Variants in SLC2A9 observed in about 807,000 individuals in gnomAD.
The protein encoded by SLC2A9 is solute carrier family 2, facilitated glucose transporter member 9.
SLC2A9 carries 39 observed loss-of-function variants against 50.6 expected under a neutral mutation model. The observed-to-expected ratio is 0.77, with a 90% CI of 0.60 to 1.01. The LOEUF (loss-of-function observed/expected upper bound fraction) is 1.01. SLC2A9 is among the 50% of genes least tolerant of loss of function. SLC2A9 has a pLI of 0.00. For synonymous variants in SLC2A9, 324 were observed against 276.9 expected, an observed-to-expected ratio of 1.17 and a Z score of -1.69; for missense variants, 686 against 677.6, an observed-to-expected ratio of 1.01 and a Z score of -0.14.
intron 5 of SLC2A9, among the ~76,000 whole-genome samples, chr4:9,963,124 C>A (rs1752530071): frequency 1.3e-5 from 2 of 152,264 alleles, no homozygotes; most frequent in African/African-American, 4.8e-5. Flanking sequence ...AAAGAAGGAG[C>A]AAAGTCACAT....
At chr4:10,013,922 C>A (rs1018077026) in intron 2 of SLC2A9, among the ~76,000 whole-genome samples, 2 of 151,990 alleles carry the variant, frequency 1.3e-5, no homozygotes, top group African/African-American at 4.8e-5. Context: ...GGGGCAGCAT[C>A]CACACACCAC....
chr4:9,814,597 G>C (rs1223208341), intron 3 of SLC2A9, among the ~76,000 whole-genome samples: 1 of 152,000 alleles, frequency 6.6e-6, no homozygotes, highest in Admixed American at 6.6e-5. Context: ...CTTCCTCCTG[G>C]GCTCACTTGT....
At chr4:9,806,409 T>C (rs1055273614) in intron 3 of SLC2A9, among the ~76,000 whole-genome samples, 1 of 152,260 alleles carries the variant, frequency 6.6e-6, no homozygotes, top group African/African-American at 2.4e-5. Context: ...GAATACTTTT[T>C]ATTAATCTAC....
Position 10,030,023 on chromosome 4 carries a change from T to C in SLC2A9, c.-40-4017A>G, listed in dbSNP as rs539139320. Reference sequence around the variant, plus strand: ...TCACTATCTTAAGTAATGATATGCATGAAATCTAATGGTAAAATATATACA... The same window carrying C: ...TCACTATCTTAAGTAATGATATGCACGAAATCTAATGGTAAAATATATACA... On this transcript the variant is annotated intron_variant, in intron 1 of 12. Coordinates refer to the SLC2A9 transcript ENST00000309065. Among the ~76,000 whole-genome samples, 14 of 152,286 alleles carry C rather than the reference T, an allele frequency of 9.2e-5. No individual in the cohort carries two copies. The South Asian group carries it at 2.9e-3, about 32-fold the overall frequency.
At chr4:9,790,811 C>T (rs1560119828) in intron 3 of SLC2A9, among the ~76,000 whole-genome samples, 3 of 152,172 alleles carry the variant, frequency 2.0e-5, no homozygotes, top group East Asian at 1.9e-4. Flanking sequence ...TAGCCACAAT[C>T]GAAAAACACC....
At chr4:9,832,656 G>A (rs938823892) in intron 11 of SLC2A9, among the ~76,000 whole-genome samples, 6 of 152,182 alleles carry the variant, frequency 3.9e-5, no homozygotes, top group African/African-American at 1.2e-4. Context: ...AGAGAAGCAA[G>A]AACAAAACAA....
chr4:10,037,446 A>G lies in SLC2A9; in HGVS notation c.-41+2684T>C, dbSNP rs74544177. On this transcript the variant is annotated intron_variant, in intron 1 of 12. Coordinates refer to the SLC2A9 transcript ENST00000309065. ...CTTTTTCTCCTGGCCTCCTCGACACAGTGCTCTTTACATTTTCTCTACTTC... is the reference window on the plus strand; with the variant it reads ...CTTTTTCTCCTGGCCTCCTCGACACGGTGCTCTTTACATTTTCTCTACTTC... Among the ~76,000 whole-genome samples the G allele has an allele frequency of 5.5e-3, 840 of 152,276 alleles. 22 individuals carry two copies. The East Asian group carries it at 0.075, about 14-fold the overall frequency.
chr4:10,005,636 G>T (rs1391624131), intron 2 of SLC2A9, among the ~76,000 whole-genome samples: 1 of 152,162 alleles, frequency 6.6e-6, no homozygotes, highest in African/African-American at 2.4e-5. Context: ...TTGATGTTAC[G>T]GCTAGTACTA....
chr4:9,822,263 T>C (rs1355328806), downstream of SLC2A9, among the ~76,000 whole-genome samples: 1 of 152,210 alleles, frequency 6.6e-6, no homozygotes, highest in African/African-American at 2.4e-5. Context: ...TCTTGTCCTG[T>C]TTTTGATATA....
chr4:9,801,729 C>A (rs1295644435), intron 3 of SLC2A9, among the ~76,000 whole-genome samples: 1 of 152,194 alleles, frequency 6.6e-6, no homozygotes. Context: ...CCCCGAGCAG[C>A]AGCTGCAGTC....
At chr4:9,845,423 A>ATTTTTTTTTTTTTTTTTTTTTT (rs1183351674) in intron 10 of SLC2A9, among the ~76,000 whole-genome samples, 1 of 130,800 alleles carries the variant, frequency 7.6e-6, no homozygotes, top group African/African-American at 3.2e-5. Flanking sequence ...ACGATCATCA[A>ATTTTTTTTTTTTTTTTTTTTTT]TTTCTTTTTT....
At chr4:9,826,939 T>C (rs1203141936) in intron 11 of SLC2A9, among the ~76,000 whole-genome samples, 1 of 152,178 alleles carries the variant, frequency 6.6e-6, no homozygotes, top group African/African-American at 2.4e-5. Flanking sequence ...ATTAACCACA[T>C]TGTCTTCTTG....
chr4:9,796,189 A>G (rs539869009), downstream of SLC2A9, among the ~76,000 whole-genome samples: 1 of 152,314 alleles, frequency 6.6e-6, no homozygotes, highest in South Asian at 2.1e-4. Flanking sequence ...AAGGGTCCTC[A>G]GATAAAAGAC....
intron 1 of SLC2A9, among the ~76,000 whole-genome samples, chr4:10,031,941 G>C (rs1168568175): frequency 6.6e-6 from 1 of 152,204 alleles, no homozygotes; most frequent in Non-Finnish European, 1.5e-5. Flanking sequence ...TCTGTGCTCT[G>C]ACAGAGGCAA....
chr4:10,037,985 C>T (rs1412095006), intron 1 of SLC2A9, among the ~76,000 whole-genome samples: 1 of 151,824 alleles, frequency 6.6e-6, no homozygotes, highest in East Asian at 1.9e-4. Context: ...TAAATAAAGG[C>T]AGGACCCACG....
At chr4:9,982,253 A>T (rs909088032) in intron 4 of SLC2A9, among the ~76,000 whole-genome samples, 1 of 152,172 alleles carries the variant, frequency 6.6e-6, no homozygotes, top group African/African-American at 2.4e-5. Flanking sequence ...CTTTCTGACC[A>T]ATTGTCTCAC....
At chr4:9,986,185 T>C (rs1333967258) in intron 3 of SLC2A9, among the ~76,000 whole-genome samples, 1 of 152,198 alleles carries the variant, frequency 6.6e-6, no homozygotes, top group Admixed American at 6.5e-5. Context: ...TAAGTGGATA[T>C]TGAAGAACCG....
At chr4:9,843,228 T>A (rs1488475487) in intron 10 of SLC2A9, among the ~76,000 whole-genome samples, 1 of 152,130 alleles carries the variant, frequency 6.6e-6, no homozygotes, top group Non-Finnish European at 1.5e-5. Flanking sequence ...ACAAAGGGAT[T>A]TGGGGAAGAT....
intron 10 of SLC2A9, among the ~76,000 whole-genome samples, chr4:9,860,450 T>C (rs904258035): frequency 6.6e-6 from 1 of 152,218 alleles, no homozygotes; most frequent in South Asian, 2.1e-4. Context: ...TGGGAACACA[T>C]GAACAGGAGT....
Sources: gnomAD v4.1 joint callset for allele counts (sites outside exome capture counted in the v4.1 genomes callset) on GRCh38, gnomAD v4.1.1 for gene constraint, MANE v1.5 for transcripts, NCBI Gene and HGNC (gene_info 2026-07-23, HGNC 2026-07-21) for gene names.